The following GIGYF2 variants were observed in gnomAD, a reference collection of about 807,000 sequenced individuals.
GIGYF2 encodes GRB10-interacting GYF protein 2.
GIGYF2 carries 25 observed loss-of-function variants against 208.1 expected under a neutral mutation model. The ratio of observed to expected loss-of-function variants is 0.12; its 90% CI spans 0.09 to 0.17. The LOEUF (loss-of-function observed/expected upper bound fraction) is 0.17, where lower values mean the gene tolerates loss of function less well. GIGYF2 is among the 10% of genes least tolerant of loss of function. GIGYF2 has a pLI of 1.00. For missense variants in GIGYF2, 1,302 were observed against 1,579.4 expected, an observed-to-expected ratio of 0.82 and a Z score of 2.98; for synonymous variants, 534 against 543.8, an observed-to-expected ratio of 0.98 and a Z score of 0.25.
rs760541356 is a variant in GIGYF2 at position 232,811,364 on chromosome 2, T to C, written c.2006+13T>C. ...CCTTGAAGATGAGGTTGGTGGTCATTCCATTATGTGTCATATGGGGTGCAT... is the reference window on the plus strand; with the variant it reads ...CCTTGAAGATGAGGTTGGTGGTCATCCCATTATGTGTCATATGGGGTGCAT... On this transcript the variant is annotated intron_variant, in intron 17 of 28. Coordinates refer to ENST00000373563, the MANE Select transcript of GIGYF2 (RefSeq NM_001103146.3). 2 of 1,388,008 alleles carry C rather than the reference T, an allele frequency of 1.4e-6. No individual in the cohort carries two copies. The highest frequency in any genetic ancestry group is 2.1e-6 in the Non-Finnish European group (2 of 973,466). 86.0% of individuals were successfully genotyped at this position (1,388,008 alleles called of 1,614,324 possible).
chr2:232,797,300 A>C (rs1448908147), intron 14 of GIGYF2, among the ~76,000 whole-genome samples: 1 of 152,066 alleles, frequency 6.6e-6, no homozygotes, highest in Non-Finnish European at 1.5e-5. Context: ...TGGTCACTTC[A>C]TATTAGTGTA....
rs1559174633 is a variant in GIGYF2, at chr2:232,858,599, GAACTT to G, written c.*1742_*1746del. 1.1e-5 allele frequency: 5 copies of G among 454,004 alleles called. No individual in the cohort carries two copies. The highest frequency in any genetic ancestry group is 2.4e-5 in the Admixed American group (1 of 41,770). The allele number at this position is 454,004 out of a possible 1,614,324, so 28.1% of individuals were successfully genotyped here. On this transcript the variant is annotated 3_prime_UTR_variant, in exon 29 of 29. Transcript: ENST00000373563. ...TGCCAGTGTGGAGGAAAATAAAAAA[GAACTT>G]AAATAAAATCTGATTGTATTCTATC...
At chr2:232,836,258 CTCTACATATATATATATATATA>C (rs1701587281) in intron 22 of GIGYF2, among the ~76,000 whole-genome samples, 5 of 96,942 alleles carry the variant, frequency 5.2e-5, no homozygotes, top group African/African-American at 2.3e-4. Flanking sequence ...GAAACCCCAT[CTCTACATATATATATATATATA>C]TATATATATA....
In GIGYF2 at chr2:232,776,555, C is replaced by T. The variant is rs990389898; in HGVS notation, c.533-10595C>T. 50 of 816,162 alleles carry T rather than the reference C, an allele frequency of 6.1e-5. No individual in the cohort carries two copies. In the Admixed American group the frequency reaches 9.0e-4, roughly 15 times the overall value. The allele number at this position is 816,162 out of a possible 1,614,324, so 50.6% of individuals were successfully genotyped here. A position where few individuals can be genotyped will look rare whatever the true frequency, so the allele number is the denominator to read the frequency against. ...TCTACAAGTCTAGTTTGTAGGTTCT[C>T]TTCTTGGACTGGTTTTACAGCTTAC... On this transcript the variant is annotated intron_variant, in intron 8 of 28. Coordinates refer to ENST00000373563, the MANE Select transcript of GIGYF2 (RefSeq NM_001103146.3).
At chr2:232,823,511 C>T (rs1701161450) in intron 21 of GIGYF2, among the ~76,000 whole-genome samples, 1 of 151,910 alleles carries the variant, frequency 6.6e-6, no homozygotes, top group South Asian at 2.1e-4. Flanking sequence ...TGCCACCACT[C>T]CTGGCTAATT....
intron 8 of GIGYF2, among the ~76,000 whole-genome samples, chr2:232,762,224 G>C (rs1698767600): frequency 7.0e-6 from 1 of 142,244 alleles, no homozygotes; most frequent in African/African-American, 2.6e-5. Flanking sequence ...TGTTAATCAT[G>C]TCTTTTTTTT....
At chr2:232,796,252 A>C in intron 14 of GIGYF2, 31 bp downstream of exon 14, 1 of 1,385,218 alleles carries the variant, frequency 7.2e-7, no homozygotes, top group Non-Finnish European at 1.0e-6. Flanking sequence ...TTAAATACTG[A>C]AGTGTGTGCC....
chr2:232,790,578 G>A, intron 9 of GIGYF2, 120 bp from the exon 10 acceptor site: 2 of 830,144 alleles, frequency 2.4e-6, no homozygotes. Context: ...TCTTTACTAG[G>A]TCAGTCCATT....
chr2:232,777,131 C>T (rs1467081651), intron 8 of GIGYF2, among the ~76,000 whole-genome samples: 3 of 150,782 alleles, frequency 2.0e-5, no homozygotes, highest in Admixed American at 6.6e-5. Context: ...TTTTTAAAGG[C>T]TGTATACAAA....
intron 28 of GIGYF2, among the ~76,000 whole-genome samples, chr2:232,852,554 AT>A (rs1391825241): frequency 3.3e-5 from 5 of 151,274 alleles, no homozygotes; most frequent in African/African-American, 9.8e-5. Flanking sequence ...TCTCAAAAAA[AT>A]AATAATTTAA....
At chr2:232,698,244 TTTG>T (rs1259874691) in intron 1 of GIGYF2, 1 of 152,190 alleles carries the variant, frequency 6.6e-6, no homozygotes, top group Admixed American at 6.5e-5. Context: ...TGTTTTTTAT[TTTG>T]TTGTTTTCGT....
intron 28 of GIGYF2, among the ~76,000 whole-genome samples, chr2:232,851,653 C>T (rs373198071): frequency 5.3e-5 from 8 of 152,342 alleles, no homozygotes; most frequent in African/African-American, 1.9e-4. Flanking sequence ...CTCCTGACTT[C>T]AGGTGATCTT....
intron 28 of GIGYF2, among the ~76,000 whole-genome samples, chr2:232,853,450 A>G (rs1052430415): frequency 6.6e-6 from 1 of 151,986 alleles, no homozygotes; most frequent in African/African-American, 2.4e-5. Flanking sequence ...TACTTTTTGT[A>G]TTTTAGTAGA....
At chr2:232,772,140 C>T (rs1699288640) in intron 8 of GIGYF2, among the ~76,000 whole-genome samples, 1 of 152,170 alleles carries the variant, frequency 6.6e-6, no homozygotes, top group Non-Finnish European at 1.5e-5. Flanking sequence ...TCTCAGACTC[C>T]TGTTCTCAAG....
intron 21 of GIGYF2, 132 bp downstream of exon 21, chr2:232,820,117 C>G: frequency 1.2e-6 from 1 of 859,830 alleles, no homozygotes; most frequent in South Asian, 1.5e-5. Context: ...AGAAACCTAA[C>G]TGGCTCTTAT....
At chr2:232,740,420 CTGTCTCATCTCCT>C (rs1697929361) in intron 3 of GIGYF2, among the ~76,000 whole-genome samples, 1 of 152,222 alleles carries the variant, frequency 6.6e-6, no homozygotes, top group Non-Finnish European at 1.5e-5. Flanking sequence ...GGAGTTTCCT[CTGTCTCATCTCCT>C]TGGTCTTAAG....
In GIGYF2 at chr2:232,806,348, C is replaced by T; in HGVS notation, c.1640-143C>T. 1 of 705,448 alleles carries T rather than the reference C, an allele frequency of 1.4e-6. No individual in the cohort carries two copies. The highest frequency in any genetic ancestry group is 2.6e-6 in the Non-Finnish European group (1 of 390,642). The allele number at this position is 705,448 out of a possible 1,614,324, so 43.7% of individuals were successfully genotyped here. On this transcript the variant is annotated intron_variant, in intron 14 of 28. Transcript: ENST00000373563. This position sits in a 1 kb window ranked among gnomAD's most constrained non-coding sequence, Gnocchi z 4.0. ...TTAGTAGTTAGAAATCTGTTAGCTA[C>T]CTTTAGAGGTGAATTAAATTAGATA...
At chr2:232,803,034 A>G (rs283466) in intron 14 of GIGYF2, among the ~76,000 whole-genome samples, 59,708 of 151,722 alleles carry the variant, frequency 0.39, 12,011 homozygotes, top group South Asian at 0.65. Flanking sequence ...TGAGTAGCTG[A>G]GATTACAGGC....
At chr2:232,715,715 C>A (rs988771432) in intron 2 of GIGYF2, among the ~76,000 whole-genome samples, 2 of 151,750 alleles carry the variant, frequency 1.3e-5, no homozygotes, top group Non-Finnish European at 2.9e-5. Context: ...AAAAGTTACT[C>A]AAAAATGTTG....
Sources: gnomAD v4.1 joint callset for allele counts (sites outside exome capture counted in the v4.1 genomes callset) on GRCh38, gnomAD v4.1.1 for gene constraint, Gnocchi (gnomAD v3.1) non-coding constraint, MANE v1.5 for transcripts, NCBI Gene and HGNC (gene_info 2026-07-23, HGNC 2026-07-21) for gene names.